Variants in EFCAB3 observed in about 807,000 individuals in gnomAD.
EFCAB3 encodes the protein EF-hand calcium-binding domain-containing protein 3.
In EFCAB3, 36 loss-of-function variants were observed where a neutral mutation model predicts 42.2. That is an observed-to-expected ratio of 0.85 (90% CI 0.65 to 1.13). The LOEUF (loss-of-function observed/expected upper bound fraction) is 1.13, where lower values mean the gene tolerates loss of function less well. Among genes scored for constraint, EFCAB3 ranks in the 50% most tolerant of loss-of-function variants. EFCAB3 has a pLI of 0.00. For synonymous variants in EFCAB3, 170 were observed against 172.8 expected (o/e 0.98, Z 0.13); for missense variants, 418 against 505.1 (o/e 0.83, Z 1.65).
At chr17:62,410,739 A>G (rs1429504967) in intron 8 of EFCAB3, among the ~76,000 whole-genome samples, 1 of 152,154 alleles carries the variant, frequency 6.6e-6, no homozygotes, top group Non-Finnish European at 1.5e-5. Flanking sequence ...CAAGTTCACA[A>G]GTTAACAAGT....
intron 6 of EFCAB3, among the ~76,000 whole-genome samples, chr17:62,398,320 G>C (rs969372178): frequency 2.0e-5 from 3 of 152,120 alleles, no homozygotes; most frequent in African/African-American, 7.2e-5. Flanking sequence ...TGGGTGCGGT[G>C]CTGCGCACCT....
chr17:62,373,648 A>G (rs887539421), intron 1 of EFCAB3, among the ~76,000 whole-genome samples: 4 of 152,138 alleles, frequency 2.6e-5, no homozygotes, highest in African/African-American at 9.7e-5. Context: ...TTTTTCCATC[A>G]TATTCACCTG....
At chr17:62,372,545 G>T (rs1290888698) in intron 1 of EFCAB3, among the ~76,000 whole-genome samples, 3 of 112,372 alleles carry the variant, frequency 2.7e-5, no homozygotes, top group African/African-American at 1.1e-4. Context: ...GCCTCCCAAA[G>T]TGCTGGAATT....
intron 2 of EFCAB3, among the ~76,000 whole-genome samples, chr17:62,383,393 G>A (rs1285986825): frequency 6.6e-6 from 1 of 152,114 alleles, no homozygotes; most frequent in Non-Finnish European, 1.5e-5. Context: ...AGAATTGCTT[G>A]AACTTGGGGG....
chr17:62,399,053 A>T (rs2070378671), intron 6 of EFCAB3, among the ~76,000 whole-genome samples: 1 of 151,962 alleles, frequency 6.6e-6, no homozygotes, highest in Non-Finnish European at 1.5e-5. Flanking sequence ...CAGCCTACTC[A>T]CAACACTCCC....
At chr17:62,407,287 C>T in intron 8 of EFCAB3, 75 bp downstream of exon 8, 1 of 1,254,582 alleles carries the variant, frequency 8.0e-7, no homozygotes, top group Non-Finnish European at 1.1e-6. Flanking sequence ...TAATGACATG[C>T]TTTTTACAAC....
intron 2 of EFCAB3, among the ~76,000 whole-genome samples, chr17:62,386,139 TA>T (rs1397802632): frequency 1.3e-5 from 2 of 152,190 alleles, no homozygotes; most frequent in African/African-American, 4.8e-5. Flanking sequence ...AATAAATTTA[TA>T]AAATTGGTTA....
chr17:62,410,137 T>C (rs947964546), intron 8 of EFCAB3, among the ~76,000 whole-genome samples: 4 of 152,110 alleles, frequency 2.6e-5, no homozygotes, highest in African/African-American at 9.7e-5. Context: ...AGGCAGAGGT[T>C]GTGGTGAGCC....
intron 9 of EFCAB3, among the ~76,000 whole-genome samples, chr17:62,415,321 C>G (rs1211247178): frequency 6.6e-6 from 1 of 152,114 alleles, no homozygotes; most frequent in African/African-American, 2.4e-5. Context: ...GCAATTTCAA[C>G]TCTATTTTCT....
chr17:62,382,322 T>A (rs2070209745), intron 1 of EFCAB3, among the ~76,000 whole-genome samples: 1 of 152,242 alleles, frequency 6.6e-6, no homozygotes, highest in Admixed American at 6.5e-5. Context: ...TTTTATTATT[T>A]AAGGTGTACA....
At chr17:62,399,848 T>C (rs1308487180) in intron 6 of EFCAB3, among the ~76,000 whole-genome samples, 1 of 152,198 alleles carries the variant, frequency 6.6e-6, no homozygotes, top group Non-Finnish European at 1.5e-5. Context: ...ATTTACTTAT[T>C]TATTTTATTA....
intron 3 of EFCAB3, among the ~76,000 whole-genome samples, chr17:62,391,575 G>A (rs938722355): frequency 4.6e-5 from 7 of 152,136 alleles, no homozygotes; most frequent in Non-Finnish European, 8.8e-5. Context: ...AGGGATTACA[G>A]TGTGGATATC....
Position 62,413,207 on chromosome 17 carries a change from T to TAACTTCAAAG in EFCAB3, c.868-515_868-506dup, listed in dbSNP as rs1453780902. Among the ~76,000 whole-genome samples the TAACTTCAAAG allele has an allele frequency of 3.3e-5, 5 of 152,262 alleles. No homozygotes were observed. The East Asian group carries it at 9.6e-4, about 29-fold the overall frequency. Reference sequence around the variant, plus strand: ...AGTTGCCACTCATAACACAGAAGGCTAACTTCAAAGAACTTCAAATTCATA... The same window carrying TAACTTCAAAG: ...AGTTGCCACTCATAACACAGAAGGCTAACTTCAAAGAACTTCAAAGAACTTCAAATTCATA... On this transcript the variant is annotated intron_variant, in intron 8 of 9. Transcript: ENST00000305286.
Position 62,406,594 on chromosome 17 carries a change from C to T in EFCAB3, c.603C>T (p.Ser201=). The T allele has an allele frequency of 2.5e-6, 4 of 1,614,026 alleles. No individual in the cohort carries two copies. The South Asian group carries it at 3.3e-5, about 13-fold the overall frequency. ...KPDICTPPSS[S]MAAFANAARI... is the part of the protein sequence containing the mutation. Reference sequence around the variant, plus strand: ...ACATATGCACACCTCCAAGCTCAAGCATGGCTGCCTTTGCTAATGCTGCCC... The same window carrying T: ...ACATATGCACACCTCCAAGCTCAAGTATGGCTGCCTTTGCTAATGCTGCCC... The change falls in exon 7 of 10, where the codon AGC becomes AGT. Residue 201 remains serine (S), a synonymous_variant. Transcript: ENST00000305286.
chr17:62,385,880 C>T (rs1052262122), intron 2 of EFCAB3, among the ~76,000 whole-genome samples: 9 of 145,620 alleles, frequency 6.2e-5, no homozygotes, highest in Middle Eastern at 3.5e-3. Flanking sequence ...CCACCATGCC[C>T]GGCTAATTTT....
intron 1 of EFCAB3, among the ~76,000 whole-genome samples, chr17:62,382,725 G>A (rs902991255): frequency 6.6e-6 from 1 of 152,210 alleles, no homozygotes; most frequent in African/African-American, 2.4e-5. Context: ...GGATCAGAGT[G>A]ACACTAATTG....
At chr17:62,378,101 T>C (rs1598004101), upstream of EFCAB3, 1 of 1,139,792 alleles carries the variant, frequency 8.8e-7, no homozygotes. Flanking sequence ...TTAGTTACTT[T>C]CCCTAATTGT....
At chr17:62,385,273 G>A (rs2070238965) in intron 2 of EFCAB3, among the ~76,000 whole-genome samples, 1 of 152,008 alleles carries the variant, frequency 6.6e-6, no homozygotes, top group African/African-American at 2.4e-5. Flanking sequence ...AGGAGATCTT[G>A]TCTCTACAAA....
At position 62,407,160 on chromosome 17, in the gene EFCAB3, CT is replaced by C. The variant is rs762696409; in HGVS notation, c.818del (p.Leu273CysfsTer21). 2.5e-6 allele frequency: 4 copies of C among 1,601,862 alleles called. No homozygotes were observed. Among genetic ancestry groups the C allele is most frequent in the Middle Eastern group, 3.3e-4 (2 of 6,018 alleles). On this transcript the variant is annotated frameshift_variant, in exon 8 of 10. Transcript: ENST00000305286. LOFTEE classifies it high-confidence loss of function. ...TTAGAGATGCTAAGAATAAAGGAGC[CT>C]TTGCATTTCTTTGAGGATTATTTTT... ...QKLEMLRIKE[P>X]LHFFEDYFFH...
Sources: allele counts gnomAD v4.1 joint callset (sites outside exome capture counted in the v4.1 genomes callset), GRCh38; gene constraint gnomAD v4.1.1; transcripts MANE v1.5; gene names NCBI Gene and HGNC (gene_info 2026-07-23, HGNC 2026-07-21).